HTR1E: variants seen among roughly 807,000 people sequenced by gnomAD.
The protein encoded by HTR1E is 5-HT-1E.
Under a neutral mutation model 3.4 loss-of-function variants are expected in HTR1E, and 3 were observed. The ratio of observed to expected loss-of-function variants is 0.89; its 90% CI spans 0.41 to 2.31. The LOEUF is 2.31. Among genes scored for constraint, HTR1E ranks in the 30% most tolerant of loss-of-function variants. HTR1E has a pLI of 0.05. For synonymous variants in HTR1E, 170 were observed against 182.8 expected, an observed-to-expected ratio of 0.93 and a Z score of 0.56; for missense variants, 392 against 467.0, an observed-to-expected ratio of 0.84 and a Z score of 1.48.
intron 1 of HTR1E, among the ~76,000 whole-genome samples, chr6:86,951,050 G>A (rs1767233246): frequency 2.0e-5 from 3 of 152,126 alleles, no homozygotes; most frequent in African/African-American, 7.2e-5. Context: ...CCTCATTGCA[G>A]AACCTTCCTT....
intron 1 of HTR1E, among the ~76,000 whole-genome samples, chr6:86,989,127 G>A (rs1767838073): frequency 6.6e-6 from 1 of 152,014 alleles, no homozygotes; most frequent in African/African-American, 2.4e-5. Flanking sequence ...CTTACCCAAG[G>A]CAGCCATCTG....
intron 1 of HTR1E, among the ~76,000 whole-genome samples, chr6:86,972,250 G>A (rs1451005618): frequency 6.6e-6 from 1 of 151,984 alleles, no homozygotes; most frequent in Non-Finnish European, 1.5e-5. Context: ...CTTAAATTCT[G>A]TCAGTAAAAT....
chr6:86,968,837 T>C (rs1767510103), intron 1 of HTR1E, among the ~76,000 whole-genome samples: 5 of 152,018 alleles, frequency 3.3e-5, no homozygotes, highest in Admixed American at 3.3e-4. Flanking sequence ...TTGTGGCCTC[T>C]AAGTTTTGTT....
intron 1 of HTR1E, among the ~76,000 whole-genome samples, chr6:86,965,702 G>GCAAGA (rs201703442): frequency 6.6e-6 from 1 of 152,054 alleles, no homozygotes. Flanking sequence ...ATAGCTCAAG[G>GCAAGA]AATGATAGCA....
chr6:86,943,163 T>A (rs1768567758), intron 1 of HTR1E, among the ~76,000 whole-genome samples: 1 of 152,198 alleles, frequency 6.6e-6, no homozygotes, highest in Admixed American at 6.5e-5. Context: ...ACATGAAATT[T>A]GTAGCTATGT....
At chr6:86,943,521 C>T (rs888913110) in intron 1 of HTR1E, among the ~76,000 whole-genome samples, 5 of 152,208 alleles carry the variant, frequency 3.3e-5, no homozygotes, top group Non-Finnish European at 7.3e-5. Context: ...CCCTGTCTAC[C>T]TCAGCCTCCT....
intron 1 of HTR1E, among the ~76,000 whole-genome samples, chr6:87,004,043 C>T (rs1209777287): frequency 6.6e-6 from 1 of 152,068 alleles, no homozygotes; most frequent in East Asian, 1.9e-4. Flanking sequence ...ATACAACCTA[C>T]CAAGATTGAA....
chr6:86,976,335 A>G (rs1767638373), intron 1 of HTR1E, among the ~76,000 whole-genome samples: 1 of 152,196 alleles, frequency 6.6e-6, no homozygotes, highest in African/African-American at 2.4e-5. Flanking sequence ...ACCAAATCCC[A>G]TGGCAAAGAG....
intron 1 of HTR1E, among the ~76,000 whole-genome samples, chr6:86,975,536 C>G (rs772923836): frequency 6.6e-6 from 1 of 152,008 alleles, no homozygotes; most frequent in African/African-American, 2.4e-5. Flanking sequence ...GGCCACCCAC[C>G]CCCTGTGATA....
intron 1 of HTR1E, among the ~76,000 whole-genome samples, chr6:86,947,393 T>C (rs565845536): frequency 1.3e-5 from 2 of 152,280 alleles, no homozygotes; most frequent in Admixed American, 1.3e-4. Flanking sequence ...TCACTGTAAA[T>C]TGGCATAAAT....
chr6:87,002,963 A>T (rs1768046400), intron 1 of HTR1E, among the ~76,000 whole-genome samples: 1 of 152,250 alleles, frequency 6.6e-6, no homozygotes. Context: ...TCTGCACTAT[A>T]GACCAAATGG....
chr6:87,010,607 G>A (rs550239467), intron 1 of HTR1E, among the ~76,000 whole-genome samples: 93 of 143,302 alleles, frequency 6.5e-4, no homozygotes, highest in African/African-American at 1.5e-3. Flanking sequence ...GGGAAGAGGC[G>A]CTCCTCACTT....
chr6:86,953,560 C>A (rs959029458), intron 1 of HTR1E, among the ~76,000 whole-genome samples: 1 of 152,166 alleles, frequency 6.6e-6, no homozygotes, highest in Non-Finnish European at 1.5e-5. Context: ...CACTAGGCAT[C>A]TTCACAGGGT....
At chr6:87,010,596 T>C (rs1343435767) in intron 1 of HTR1E, among the ~76,000 whole-genome samples, 5 of 135,414 alleles carry the variant, frequency 3.7e-5, no homozygotes, top group Non-Finnish European at 8.0e-5. Flanking sequence ...TGATGGCGGC[T>C]GGGAAGAGGC....
At chr6:87,012,987 T>A (rs190198676) in intron 1 of HTR1E, among the ~76,000 whole-genome samples, 1 of 152,210 alleles carries the variant, frequency 6.6e-6, no homozygotes, top group African/African-American at 2.4e-5. Context: ...TCAGGACTTA[T>A]GAAGTGAAAT....
chr6:86,966,159 G>T (rs116243788), intron 1 of HTR1E, among the ~76,000 whole-genome samples: 1,675 of 152,074 alleles, frequency 0.011, 20 homozygotes, highest in Middle Eastern at 0.065. Context: ...AAAAAAAAAT[G>T]AATACAGGAT....
intron 1 of HTR1E, among the ~76,000 whole-genome samples, chr6:86,962,117 TAAAG>T (rs1562061962): frequency 6.6e-6 from 1 of 152,142 alleles, no homozygotes; most frequent in African/African-American, 2.4e-5. Flanking sequence ...GGAAGGGAAA[TAAAG>T]CAAGTAAGAT....
rs901007177 is a variant in HTR1E at position 87,007,090 on chromosome 6, A to T, written c.-185-8060A>T. On this transcript the variant is annotated intron_variant, in intron 1 of 1. Coordinates refer to ENST00000305344, the MANE Select transcript of HTR1E (RefSeq NM_000865.3). ...GTACCCTGGAACTTAAAATAAAAAT[A>T]AAAATTAAAAGAAAATGTAGTGCAT... Among the ~76,000 whole-genome samples the T allele has an allele frequency of 3.9e-5, 6 of 152,348 alleles. 1 individual carries two copies. The highest frequency in any genetic ancestry group is 2.1e-4 in the South Asian group (1 of 4,824).
At chr6:86,946,800 T>G (rs1048524001) in intron 1 of HTR1E, among the ~76,000 whole-genome samples, 2 of 152,084 alleles carry the variant, frequency 1.3e-5, no homozygotes, top group Admixed American at 6.6e-5. Context: ...GCAAACAGAA[T>G]TTTTAGAAAC....
Sources: allele counts gnomAD v4.1 joint callset (sites outside exome capture counted in the v4.1 genomes callset), GRCh38; gene constraint gnomAD v4.1.1; transcripts MANE v1.5; gene names NCBI Gene and HGNC (gene_info 2026-07-23, HGNC 2026-07-21).